Variants in TMEM72 observed in about 807,000 individuals in gnomAD.
TMEM72 encodes the protein kidney-specific secretory protein of 37 kDa.
In TMEM72, 9 loss-of-function variants were observed where a neutral mutation model predicts 16.3. That is an observed-to-expected ratio of 0.55 (90% CI 0.33 to 0.96). The LOEUF is 0.96. TMEM72 is among the 40% of genes least tolerant of loss of function. The pLI is 0.03. For synonymous variants in TMEM72, 160 were observed against 146.5 expected (o/e 1.09, Z -0.66); for missense variants, 324 against 337.8 (o/e 0.96, Z 0.32).
intron 1 of TMEM72, among the ~76,000 whole-genome samples, chr10:44,915,786 C>G (rs935938560): frequency 6.6e-6 from 1 of 152,148 alleles, no homozygotes; most frequent in Non-Finnish European, 1.5e-5. Flanking sequence ...TTGCAGCTAT[C>G]CATTCTCTAT....
intron 2 of TMEM72, among the ~76,000 whole-genome samples, chr10:44,930,313 T>C (rs1262900398): frequency 1.3e-5 from 2 of 152,086 alleles, no homozygotes; most frequent in Non-Finnish European, 2.9e-5. Flanking sequence ...TCCCAGGGCA[T>C]AGAAAAAGGC....
rs576944254 is a variant in TMEM72 at position 44,935,136 on chromosome 10, C to T, written c.*2C>T. The T allele has an allele frequency of 2.0e-5, 32 of 1,569,400 alleles. No homozygotes were observed. In the African/African-American group the frequency reaches 3.0e-4, roughly 15 times the overall value. The stretch of plus-strand genomic sequence containing the variant: ...CTTACAGCCACCGGCCTGTTCTGAG[C>T]GCTTGCTCCAGCCTGGAGGACGCTC... On this transcript the variant is annotated 3_prime_UTR_variant, in exon 5 of 5. Transcript: ENST00000389583.
At chr10:44,928,034 A>G (rs1840227891) in intron 2 of TMEM72, 47 bp downstream of exon 2, 4 of 1,595,836 alleles carry the variant, frequency 2.5e-6, no homozygotes, top group African/African-American at 2.7e-5. Flanking sequence ...GTTCTGCTCA[A>G]CTCACCCTAC....
intron 1 of TMEM72, among the ~76,000 whole-genome samples, chr10:44,915,040 C>A (rs981364086): frequency 3.9e-5 from 6 of 152,200 alleles, no homozygotes; most frequent in African/African-American, 1.2e-4. Context: ...GGAGACATGT[C>A]CCTGAGCCCC....
At chr10:44,926,177 TCA>T (rs1840189107) in intron 1 of TMEM72, among the ~76,000 whole-genome samples, 1 of 150,606 alleles carries the variant, frequency 6.6e-6, no homozygotes, top group South Asian at 2.1e-4. Context: ...ACTCACACAC[TCA>T]CACATGTACA....
intron 1 of TMEM72, among the ~76,000 whole-genome samples, chr10:44,914,899 G>C (rs1306928904): frequency 6.6e-6 from 1 of 152,194 alleles, no homozygotes; most frequent in Non-Finnish European, 1.5e-5. Context: ...TTAACCTCAG[G>C]GGAATCTTGA....
intron 3 of TMEM72, 107 bp downstream of exon 3, chr10:44,932,176 A>G: frequency 7.4e-7 from 1 of 1,342,500 alleles, no homozygotes; most frequent in Non-Finnish European, 1.0e-6. Flanking sequence ...TCCTGAAGCC[A>G]CTGTGGACAG....
chr10:44,920,050 C>T (rs1840071368), intron 1 of TMEM72: 1 of 152,254 alleles, frequency 6.6e-6, no homozygotes, highest in Admixed American at 6.5e-5. Flanking sequence ...CGCCCATTGT[C>T]ATCAGCCTGG....
Position 44,935,565 on chromosome 10 carries a change from C to T in TMEM72, c.*431C>T, listed in dbSNP as rs1359040086. 1 of 160,318 alleles carries T rather than the reference C, an allele frequency of 6.2e-6. No homozygotes were observed. Among genetic ancestry groups the T allele is most frequent in the African/African-American group, 2.4e-5 (1 of 41,810 alleles). 9.9% of individuals were successfully genotyped at this position (160,318 alleles called of 1,614,324 possible). A position where few individuals can be genotyped will look rare whatever the true frequency, so the allele number is the denominator to read the frequency against. On this transcript the variant is annotated 3_prime_UTR_variant, in exon 5 of 5. Coordinates refer to ENST00000389583, the MANE Select transcript of TMEM72 (RefSeq NM_001123376.3). ...TATGGTCCACCCATCTCTGCAGGCCCAGGGAAGTGTCAGTAACTTAAGCAT... is the reference window on the plus strand; with the variant it reads ...TATGGTCCACCCATCTCTGCAGGCCTAGGGAAGTGTCAGTAACTTAAGCAT...
chr10:44,914,394 C>T (rs1355421617), intron 1 of TMEM72, among the ~76,000 whole-genome samples: 1 of 152,246 alleles, frequency 6.6e-6, no homozygotes, highest in Non-Finnish European at 1.5e-5. Context: ...GGTTCATTTG[C>T]TTCACCTCCC....
At chr10:44,921,533 G>A (rs1308266211) in intron 1 of TMEM72, among the ~76,000 whole-genome samples, 1 of 152,194 alleles carries the variant, frequency 6.6e-6, no homozygotes, top group African/African-American at 2.4e-5. Flanking sequence ...CCCATTGTTT[G>A]TCTCCATTGA....
At chr10:44,928,104 C>T (rs1194930122) in intron 2 of TMEM72, 117 bp downstream of exon 2, 1 of 1,188,698 alleles carries the variant, frequency 8.4e-7, no homozygotes, top group East Asian at 2.4e-5. Context: ...CATCCTATCT[C>T]AGGGGTGAAG....
At chr10:44,922,255 G>A (rs996984562) in intron 1 of TMEM72, among the ~76,000 whole-genome samples, 1 of 152,184 alleles carries the variant, frequency 6.6e-6, no homozygotes, top group African/African-American at 2.4e-5. Context: ...GCCCACCTGT[G>A]CAGTCTCCGG....
intron 1 of TMEM72, among the ~76,000 whole-genome samples, chr10:44,918,226 A>T (rs1390329786): frequency 6.6e-6 from 1 of 152,152 alleles, no homozygotes. Flanking sequence ...GGAATTCAAA[A>T]TGAGATCTGG....
rs150962368 is a variant in TMEM72, at chr10:44,934,603, T to C, written c.350-53T>C. On this transcript the variant is annotated intron_variant, in intron 4 of 4. Coordinates refer to ENST00000389583, the MANE Select transcript of TMEM72 (RefSeq NM_001123376.3). ...TGCTGCACGACATGCTTGCAAGGAC[T>C]CCGGATTTTTTCCGTGACTCCTCTA... 25 of 1,488,884 alleles carry C rather than the reference T, an allele frequency of 1.7e-5. No individual in the cohort carries two copies. In the East Asian group the frequency reaches 5.7e-4, roughly 34 times the overall value. 92.2% of individuals were successfully genotyped at this position (1,488,884 alleles called of 1,614,324 possible).
chr10:44,913,718 G>A (rs1839972387), intron 1 of TMEM72, among the ~76,000 whole-genome samples: 1 of 152,194 alleles, frequency 6.6e-6, no homozygotes, highest in Non-Finnish European at 1.5e-5. Context: ...CAAATCTCGA[G>A]TTTCTTCCAG....
intron 1 of TMEM72, among the ~76,000 whole-genome samples, chr10:44,917,917 GT>G (rs1840035796): frequency 6.6e-6 from 1 of 152,166 alleles, no homozygotes; most frequent in Admixed American, 6.5e-5. Flanking sequence ...GTATAAGTTT[GT>G]TTTCACACTG....
chr10:44,925,916 C>T (rs570296066), intron 1 of TMEM72, among the ~76,000 whole-genome samples: 25 of 152,132 alleles, frequency 1.6e-4, no homozygotes, highest in Non-Finnish European at 2.8e-4. Flanking sequence ...CATATTCACA[C>T]GTGCACATTC....
intron 1 of TMEM72, among the ~76,000 whole-genome samples, chr10:44,922,240 C>T (rs1035604355): frequency 2.0e-5 from 3 of 152,264 alleles, no homozygotes; most frequent in East Asian, 3.9e-4. Flanking sequence ...TTTGAGAGGG[C>T]GGGGGCCCAC....
Sources: allele counts gnomAD v4.1 joint callset (sites outside exome capture counted in the v4.1 genomes callset), GRCh38; gene constraint gnomAD v4.1.1; transcripts MANE v1.5; gene names NCBI Gene and HGNC (gene_info 2026-07-23, HGNC 2026-07-21).